The following ATAD2B variants were observed in gnomAD, a reference collection of about 807,000 sequenced individuals.
ATAD2B encodes ATPase family AAA domain containing 2B.
A neutral mutation model predicts 167.6 loss-of-function variants in ATAD2B; 40 were observed. That is an observed-to-expected ratio of 0.24 (90% CI 0.19 to 0.31). The LOEUF (loss-of-function observed/expected upper bound fraction) is 0.31, where lower values mean the gene tolerates loss of function less well. Ranked by LOEUF, ATAD2B falls within the 10% of genes least tolerant of loss-of-function variation. The pLI, the probability that ATAD2B is intolerant of heterozygous loss-of-function variation, is 1.00. For missense variants in ATAD2B, 1,242 were observed against 1,757.2 expected (o/e 0.71, Z 5.24); for synonymous variants, 579 against 596.5 (o/e 0.97, Z 0.43).
the ATAD2B span, among the ~76,000 whole-genome samples, chr2:23,709,090 G>C: frequency 6.6e-6 from 1 of 152,014 alleles, no homozygotes; most frequent in Non-Finnish European, 1.5e-5. Context: ...GCCCAGACTG[G>C]AGTGCAATGG....
intron 14 of ATAD2B, chr2:23,832,081 G>C (rs1055901045): frequency 3.5e-5 from 12 of 343,750 alleles, no homozygotes; most frequent in Non-Finnish European, 6.0e-5. Flanking sequence ...TAAATACAAT[G>C]ACGAATTTTC....
chr2:23,833,559 T>C (rs1689408152), intron 14 of ATAD2B, among the ~76,000 whole-genome samples: 1 of 152,202 alleles, frequency 6.6e-6, no homozygotes, highest in Non-Finnish European at 1.5e-5. Context: ...TCCTTATTCA[T>C]AAACCCACTA....
chr2:23,783,860 G>A (rs966875205), intron 21 of ATAD2B, among the ~76,000 whole-genome samples: 1 of 152,062 alleles, frequency 6.6e-6, no homozygotes, highest in Admixed American at 6.6e-5. Flanking sequence ...GATTTCTGGG[G>A]AGATGGTTAA....
At chr2:23,919,796 G>A (rs1361342343) in intron 1 of ATAD2B, among the ~76,000 whole-genome samples, 2 of 150,166 alleles carry the variant, frequency 1.3e-5, no homozygotes, top group Non-Finnish European at 3.0e-5. Flanking sequence ...AGTGAGCTGA[G>A]GTCGCACCAT....
In ATAD2B at chr2:23,754,694, G is replaced by C; in HGVS notation, c.4159C>G (p.Pro1387Ala). 1 of 1,613,082 alleles carries C rather than the reference G, an allele frequency of 6.2e-7. No individual in the cohort carries two copies. The change falls in exon 26 of 28, where the codon CCA (proline) becomes GCA (alanine). Residue 1387 changes from proline (P) to alanine (A), a missense_variant. Physicochemically the swap from Pro to Ala is conservative, Grantham distance 27. Coordinates refer to ENST00000238789, the MANE Select transcript of ATAD2B (RefSeq NM_017552.4). ...TTSLELVPEEPSEPVPPLIVD... is the reference protein window; with the variant it reads ...TTSLELVPEEASEPVPPLIVD... ...ATAAGAGGAGGCACAGGCTCAGATG[G>C]CTCTTCTGGAACCAGTTCCAGGCTT... is the stretch of plus-strand genomic sequence containing the variant.
In ATAD2B at chr2:23,819,702, C is replaced by A. The variant is rs368329005; in HGVS notation, c.2267+45G>T. 77 of 1,432,998 alleles carry A rather than the reference C, an allele frequency of 5.4e-5. No individual in the cohort carries two copies. In the African/African-American group the frequency reaches 1.0e-3, roughly 19 times the overall value. 88.8% of individuals were successfully genotyped at this position (1,432,998 alleles called of 1,614,324 possible). ...TACCATAATTCTAATCATAAAGTATCAAAAATCACTCTAAATACAAAGAAA... is the reference window on the plus strand; with the variant it reads ...TACCATAATTCTAATCATAAAGTATAAAAAATCACTCTAAATACAAAGAAA... On this transcript the variant is annotated intron_variant, in intron 17 of 27. Transcript: ENST00000238789.
intron 22 of ATAD2B, among the ~76,000 whole-genome samples, chr2:23,770,990 T>C (rs1018325517): frequency 6.6e-6 from 1 of 152,212 alleles, no homozygotes; most frequent in African/African-American, 2.4e-5. Context: ...TCCATTTATT[T>C]GGGTCTTCTT....
At chr2:23,878,230 G>A (rs530659400) in intron 7 of ATAD2B, among the ~76,000 whole-genome samples, 53 of 151,212 alleles carry the variant, frequency 3.5e-4, no homozygotes, top group African/African-American at 9.2e-4. Flanking sequence ...GTGTGGTAGC[G>A]CATGCCTGTA....
intron 13 of ATAD2B, among the ~76,000 whole-genome samples, chr2:23,844,655 AACTC>A (rs1370639848): frequency 2.0e-5 from 3 of 152,342 alleles, no homozygotes; most frequent in East Asian, 3.9e-4. Context: ...AGTGAACTAA[AACTC>A]ACAGCAACAG....
At chr2:23,894,584 T>A (rs187307006) in intron 2 of ATAD2B, among the ~76,000 whole-genome samples, 1 of 152,062 alleles carries the variant, frequency 6.6e-6, no homozygotes, top group East Asian at 1.9e-4. Flanking sequence ...ACTGTTAAAA[T>A]CATCTTAAAA....
At chr2:23,904,631 T>C (rs1179108229) in intron 1 of ATAD2B, among the ~76,000 whole-genome samples, 1 of 144,994 alleles carries the variant, frequency 6.9e-6, no homozygotes, top group East Asian at 2.0e-4. Context: ...ATTTAAAGAG[T>C]AAGTAAATGA....
At chr2:23,886,326 C>T (rs1052352907) in intron 4 of ATAD2B, among the ~76,000 whole-genome samples, 7 of 152,050 alleles carry the variant, frequency 4.6e-5, no homozygotes, top group African/African-American at 1.7e-4. Context: ...ATATCTTCTA[C>T]CTTAATATAT....
At chr2:23,852,782 G>A (rs572109226) in intron 13 of ATAD2B, among the ~76,000 whole-genome samples, 97 of 151,958 alleles carry the variant, frequency 6.4e-4, no homozygotes, top group Non-Finnish European at 9.7e-4. Flanking sequence ...AGCCAGGCAC[G>A]GTGGCAGACA....
At chr2:23,679,483 G>A in the ATAD2B span, among the ~76,000 whole-genome samples, 1 of 152,102 alleles carries the variant, frequency 6.6e-6, no homozygotes, top group Non-Finnish European at 1.5e-5. Flanking sequence ...CATTTTCACA[G>A]GGTCACTTCC....
chr2:23,809,902 T>C lies in ATAD2B; in HGVS notation c.2454+414A>G, dbSNP rs114603646. Among the ~76,000 whole-genome samples, 119 of 152,344 alleles carry C rather than the reference T, an allele frequency of 7.8e-4. 1 individual carries two copies. Among genetic ancestry groups the C allele is most frequent in the Non-Finnish European group, 1.6e-3 (109 of 68,018 alleles). On this transcript the variant is annotated intron_variant, in intron 18 of 27. Coordinates refer to ENST00000238789, the MANE Select transcript of ATAD2B (RefSeq NM_017552.4). ...CAAATATCTATAATTTTTGAACTGC[T>C]ATCACTATTCTAATATGAATATTAA... is the stretch of plus-strand genomic sequence containing the variant.
intron 13 of ATAD2B, among the ~76,000 whole-genome samples, chr2:23,854,437 G>T (rs1256706936): frequency 6.6e-6 from 1 of 151,968 alleles, no homozygotes; most frequent in Non-Finnish European, 1.5e-5. Flanking sequence ...CAACACTTTG[G>T]GAGGCCGAGG....
chr2:23,907,751 A>G (rs1186067430), intron 1 of ATAD2B, among the ~76,000 whole-genome samples: 1 of 152,228 alleles, frequency 6.6e-6, no homozygotes, highest in Non-Finnish European at 1.5e-5. Context: ...TTACAAGGCT[A>G]CAGTAACCAA....
chr2:23,701,117 C>T, the ATAD2B span, among the ~76,000 whole-genome samples: 1 of 152,178 alleles, frequency 6.6e-6, no homozygotes, highest in African/African-American at 2.4e-5. Flanking sequence ...ACCCTCCTCC[C>T]TCAACCTTCC....
chr2:23,918,230 G>A (rs771792936), intron 1 of ATAD2B, among the ~76,000 whole-genome samples: 1 of 143,430 alleles, frequency 7.0e-6, no homozygotes, highest in Non-Finnish European at 1.5e-5. Context: ...AAAATAGCCA[G>A]GTGTGGTAAC....
Sources: gnomAD v4.1 joint callset for allele counts (sites outside exome capture counted in the v4.1 genomes callset) on GRCh38, gnomAD v4.1.1 for gene constraint, MANE v1.5 for transcripts, NCBI Gene and HGNC (gene_info 2026-07-23, HGNC 2026-07-21) for gene names.